Variants in NMNAT3 observed in about 807,000 individuals in gnomAD.
The protein encoded by NMNAT3 is nicotinamide/nicotinic acid mononucleotide adenylyltransferase 3.
NMNAT3 carries 21 observed loss-of-function variants against 24.8 expected under a neutral mutation model. The observed-to-expected ratio is 0.85, with a 90% CI of 0.60 to 1.22. NMNAT3 has a LOEUF of 1.22. Among genes scored for constraint, NMNAT3 ranks in the 50% most tolerant of loss-of-function variants. The pLI is 0.00. For synonymous variants in NMNAT3, 136 were observed against 155.2 expected, an observed-to-expected ratio of 0.88 and a Z score of 0.92; for missense variants, 387 against 436.6, an observed-to-expected ratio of 0.89 and a Z score of 1.01.
At chr3:139,674,700 T>A (rs564576922) in intron 1 of NMNAT3, among the ~76,000 whole-genome samples, 19 of 152,226 alleles carry the variant, frequency 1.2e-4, no homozygotes, top group Non-Finnish European at 2.6e-4. Flanking sequence ...GTCTGGTTAG[T>A]GTCTGCAGAG....
intron 3 of NMNAT3, among the ~76,000 whole-genome samples, chr3:139,593,356 A>G (rs1329279791): frequency 6.6e-6 from 1 of 152,188 alleles, no homozygotes; most frequent in Non-Finnish European, 1.5e-5. Flanking sequence ...CCACACAATA[A>G]TAATGGGAGA....
intron 3 of NMNAT3, among the ~76,000 whole-genome samples, chr3:139,594,054 T>C (rs1314233098): frequency 6.6e-6 from 1 of 151,854 alleles, no homozygotes; most frequent in African/African-American, 2.4e-5. Context: ...ACAAAATTGA[T>C]AGATCACTAG....
intron 3 of NMNAT3, chr3:139,583,256 A>T (rs570531683): frequency 8.3e-7 from 1 of 1,198,246 alleles, no homozygotes; most frequent in African/African-American, 1.5e-5. Context: ...AGGTGCTAAG[A>T]GTTTTGCATG....
intron 1 of NMNAT3, among the ~76,000 whole-genome samples, chr3:139,651,914 G>A (rs1163341563): frequency 1.3e-5 from 2 of 152,198 alleles, no homozygotes; most frequent in East Asian, 3.9e-4. Flanking sequence ...CCCTGCCCTG[G>A]AGGAGGGAAA....
intron 6 of NMNAT3, chr3:139,567,089 A>T (rs295512): frequency 6.7e-6 from 1 of 150,236 alleles, no homozygotes; most frequent in East Asian, 2.0e-4. Context: ...ATCCCTTGTA[A>T]GTTGGATTCC....
intron 3 of NMNAT3, among the ~76,000 whole-genome samples, chr3:139,594,921 T>C (rs940179921): frequency 2.0e-5 from 3 of 152,188 alleles, no homozygotes; most frequent in African/African-American, 7.2e-5. Flanking sequence ...ATGCCCTCTC[T>C]CACCACTCCT....
At chr3:139,616,153 AG>A (rs1201128395) in intron 3 of NMNAT3, among the ~76,000 whole-genome samples, 9 of 152,156 alleles carry the variant, frequency 5.9e-5, no homozygotes, top group African/African-American at 1.9e-4. Flanking sequence ...TCACCAACAA[AG>A]CCATTCTCCC....
At chr3:139,648,957 G>A (rs1419856138) in intron 1 of NMNAT3, among the ~76,000 whole-genome samples, 3 of 152,188 alleles carry the variant, frequency 2.0e-5, no homozygotes, top group Non-Finnish European at 4.4e-5. Context: ...ACCTAGATAT[G>A]TTTATGAATT....
intron 1 of NMNAT3, among the ~76,000 whole-genome samples, chr3:139,657,548 G>A (rs1219403838): frequency 6.6e-6 from 1 of 152,106 alleles, no homozygotes; most frequent in African/African-American, 2.4e-5. Context: ...GTGTTGCAGC[G>A]GTTGTCATAC....
At chr3:139,650,812 A>G (rs1254727409) in intron 1 of NMNAT3, among the ~76,000 whole-genome samples, 3 of 152,134 alleles carry the variant, frequency 2.0e-5, no homozygotes, top group African/African-American at 7.2e-5. Flanking sequence ...GCAATTCTCT[A>G]CTCCATTTCC....
intron 3 of NMNAT3, among the ~76,000 whole-genome samples, chr3:139,615,807 G>A (rs116836189): frequency 1.1e-3 from 167 of 152,268 alleles, no homozygotes; most frequent in Middle Eastern, 6.8e-3. Context: ...ATATTTTGCA[G>A]TTGCAAGCAA....
At chr3:139,632,708 T>G (rs2056347303) in intron 2 of NMNAT3, among the ~76,000 whole-genome samples, 1 of 152,218 alleles carries the variant, frequency 6.6e-6, no homozygotes, top group African/African-American at 2.4e-5. Flanking sequence ...TCCAGTCATC[T>G]ATGGGAAGGA....
chr3:139,575,611 A>AC, intron 5 of NMNAT3: 1 of 1,010,858 alleles, frequency 9.9e-7, no homozygotes, highest in Non-Finnish European at 1.2e-6. Context: ...GGTTGACCCT[A>AC]CTTTGAATAT....
chr3:139,569,637 A>G (rs1317552470), intron 6 of NMNAT3: 1 of 152,192 alleles, frequency 6.6e-6, no homozygotes, highest in Non-Finnish European at 1.5e-5. Context: ...TCTGGGTTGA[A>G]AATTCTTTTC....
At chr3:139,671,916 C>T (rs192188719) in intron 1 of NMNAT3, among the ~76,000 whole-genome samples, 90 of 152,296 alleles carry the variant, frequency 5.9e-4, no homozygotes, top group Non-Finnish European at 1.1e-3. Flanking sequence ...GTGTGATTCC[C>T]TCATTGACAC....
At position 139,597,565 on chromosome 3, in the gene NMNAT3, G is replaced by A. The variant is rs574866723; in HGVS notation, c.110-14357C>T. ...TATATTGTTAAACACTAGCTGTAAC[G>A]CCACAATATCCTTATTCAATTTTCT... On this transcript the variant is annotated intron_variant, in intron 3 of 6. Coordinates refer to ENST00000643695, the MANE Select transcript of NMNAT3 (RefSeq NM_001320510.2). 7.8e-4 allele frequency among the ~76,000 whole-genome samples: 119 copies of A among 152,192 alleles called. 1 individual carries two copies. In the South Asian group the frequency reaches 0.024, roughly 30 times the overall value.
chr3:139,633,504 C>T (rs1244331236), intron 2 of NMNAT3, among the ~76,000 whole-genome samples: 2 of 152,150 alleles, frequency 1.3e-5, no homozygotes, highest in African/African-American at 2.4e-5. Flanking sequence ...TTAAGCCACA[C>T]ATTAGTTTCC....
At chr3:139,613,150 A>C (rs893371019) in intron 3 of NMNAT3, among the ~76,000 whole-genome samples, 1 of 152,204 alleles carries the variant, frequency 6.6e-6, no homozygotes, top group African/African-American at 2.4e-5. Context: ...TAATTAAACT[A>C]AAGAGCTTCC....
intron 3 of NMNAT3, among the ~76,000 whole-genome samples, chr3:139,609,216 T>A (rs1485206389): frequency 2.0e-5 from 3 of 152,248 alleles, no homozygotes; most frequent in Non-Finnish European, 4.4e-5. Flanking sequence ...GGTTTCTGTG[T>A]GAACACAAGT....
Sources: gnomAD v4.1 joint callset for allele counts (sites outside exome capture counted in the v4.1 genomes callset) on GRCh38, gnomAD v4.1.1 for gene constraint, MANE v1.5 for transcripts, NCBI Gene and HGNC (gene_info 2026-07-23, HGNC 2026-07-21) for gene names.